The following AKT3 variants were observed in gnomAD, a reference collection of about 807,000 sequenced individuals.
AKT3 encodes RAC-gamma serine/threonine-protein kinase.
In AKT3, 15 loss-of-function variants were observed where a neutral mutation model predicts 65.3. The observed-to-expected ratio is 0.23, with a 90% confidence interval of 0.15 to 0.35. The LOEUF is 0.35. AKT3 is among the 10% of genes least tolerant of loss of function. AKT3 has a pLI of 1.00. For missense variants in AKT3, 243 were observed against 576.5 expected, an observed-to-expected ratio of 0.42 and a Z score of 5.92; for synonymous variants, 206 against 183.8, an observed-to-expected ratio of 1.12 and a Z score of -0.98.
intron 11 of AKT3, among the ~76,000 whole-genome samples, chr1:243,551,901 G>A (rs955322000): frequency 6.6e-6 from 1 of 152,134 alleles, no homozygotes; most frequent in Non-Finnish European, 1.5e-5. Flanking sequence ...ATTCATAGCT[G>A]TAGCTACAAA....
At chr1:243,712,287 G>A (rs1686213051) in intron 2 of AKT3, among the ~76,000 whole-genome samples, 2 of 152,208 alleles carry the variant, frequency 1.3e-5, no homozygotes, top group Admixed American at 6.5e-5. Context: ...AGTCACTTGA[G>A]TAAAAACTGA....
At chr1:243,796,185 T>C (rs559586178) in intron 2 of AKT3, among the ~76,000 whole-genome samples, 2 of 152,330 alleles carry the variant, frequency 1.3e-5, no homozygotes, top group African/African-American at 2.4e-5. Context: ...CTGTCTCCTG[T>C]TGTAACCTCT....
intron 2 of AKT3, among the ~76,000 whole-genome samples, chr1:243,817,145 T>C (rs942446874): frequency 5.9e-5 from 9 of 152,054 alleles, no homozygotes. Context: ...AGGACCCAAA[T>C]ACAGGAATAA....
rs545430685 is a variant in AKT3, at chr1:243,525,079, A to G, written c.1252-12653T>C. Among the ~76,000 whole-genome samples the G allele has an allele frequency of 7.2e-5, 11 of 152,310 alleles. No homozygotes were observed. In the South Asian group the frequency reaches 2.1e-3, roughly 29 times the overall value. On this transcript the variant is annotated intron_variant, in intron 12 of 13. Transcript: ENST00000673466. ...GGAGGTGAAATTCCAGAAAAGAGGC[A>G]GCCAAAGAGAAGAAGCCCTAAAATC...
intron 12 of AKT3, among the ~76,000 whole-genome samples, chr1:243,541,374 G>A (rs1672306396): frequency 1.3e-5 from 2 of 151,576 alleles, no homozygotes; most frequent in Admixed American, 1.3e-4. Flanking sequence ...TACTGAAATT[G>A]TTTCAGCTTC....
At chr1:243,707,906 T>C (rs1685906267) in intron 2 of AKT3, among the ~76,000 whole-genome samples, 1 of 152,082 alleles carries the variant, frequency 6.6e-6, no homozygotes, top group Admixed American at 6.6e-5. Context: ...GCAAAGTAAA[T>C]TACTCTTGAT....
intron 3 of AKT3, among the ~76,000 whole-genome samples, chr1:243,666,895 A>G (rs987005600): frequency 6.6e-6 from 1 of 152,202 alleles, no homozygotes; most frequent in African/African-American, 2.4e-5. Flanking sequence ...ATGAGATGAG[A>G]AAACACAAAA....
intron 3 of AKT3, among the ~76,000 whole-genome samples, chr1:243,690,706 T>A (rs1194366220): frequency 7.6e-6 from 1 of 131,466 alleles, no homozygotes; most frequent in African/African-American, 3.0e-5. Flanking sequence ...CTCATCACCA[T>A]AAATCTAGGG....
intron 2 of AKT3, among the ~76,000 whole-genome samples, chr1:243,703,760 CAAAAAA>C (rs370671685): frequency 1.3e-5 from 1 of 78,406 alleles, no homozygotes; most frequent in Non-Finnish European, 2.4e-5. Flanking sequence ...GACTCCATCT[CAAAAAA>C]AAAAAAAAAA....
intron 2 of AKT3, among the ~76,000 whole-genome samples, chr1:243,811,661 GA>G (rs1297788063): frequency 1.3e-5 from 2 of 152,004 alleles, no homozygotes; most frequent in Admixed American, 6.6e-5. Context: ...TACAGAATTG[GA>G]AAAAACTACT....
At chr1:243,579,085 T>C (rs1574643331) in intron 8 of AKT3, among the ~76,000 whole-genome samples, 1 of 152,200 alleles carries the variant, frequency 6.6e-6, no homozygotes, top group African/African-American at 2.4e-5. Context: ...AACTAGCTTT[T>C]ACCACTTGGG....
At chr1:243,801,802 A>G (rs1440493626) in intron 2 of AKT3, among the ~76,000 whole-genome samples, 1 of 152,220 alleles carries the variant, frequency 6.6e-6, no homozygotes, top group African/African-American at 2.4e-5. Flanking sequence ...TGCAAAAATT[A>G]TCGAGCCACA....
rs34578718 is a variant in AKT3, at chr1:243,664,185, CTTTTTTTTTTTT to C, written c.284+575_284+586del. On this transcript the variant is annotated intron_variant, in intron 4 of 13. Transcript: ENST00000673466. Reference sequence around the variant, plus strand: ...AAAGGTAGTTTGGCTATAAAAATGTCTTTTTTTTTTTTTTTTTTTTTTTTTTTTTGAGACAGA... The same window carrying C: ...AAAGGTAGTTTGGCTATAAAAATGTCTTTTTTTTTTTTTTTTTGAGACAGA... Among the ~76,000 whole-genome samples the C allele has an allele frequency of 9.4e-3, 567 of 60,074 alleles. 2 individuals are homozygous for C. Among genetic ancestry groups the C allele is most frequent in the African/African-American group, 0.03 (489 of 16,142 alleles). 39.4% of individuals were successfully genotyped at this position (60,074 alleles called of 152,430 possible). A position where few individuals can be genotyped will look rare whatever the true frequency, so the allele number is the denominator to read the frequency against.
chr1:243,724,310 T>C (rs1447996681), intron 2 of AKT3, among the ~76,000 whole-genome samples: 1 of 151,952 alleles, frequency 6.6e-6, no homozygotes, highest in African/African-American at 2.4e-5. Context: ...AGTTGTACCA[T>C]TTTCTACTTT....
At chr1:243,577,352 G>GCTGT (rs1675015169) in intron 8 of AKT3, among the ~76,000 whole-genome samples, 1 of 152,088 alleles carries the variant, frequency 6.6e-6, no homozygotes, top group Non-Finnish European at 1.5e-5. Flanking sequence ...TCACCATGTT[G>GCTGT]GCCAGGCTGG....
intron 11 of AKT3, among the ~76,000 whole-genome samples, chr1:243,549,602 T>G (rs927301684): frequency 6.6e-6 from 1 of 152,032 alleles, no homozygotes; most frequent in African/African-American, 2.4e-5. Context: ...ATTTTATTTT[T>G]TTTTAGTAGA....
chr1:243,768,995 T>C (rs1690004900), intron 2 of AKT3, among the ~76,000 whole-genome samples: 1 of 115,544 alleles, frequency 8.7e-6, no homozygotes, highest in Non-Finnish European at 2.2e-5. Flanking sequence ...TCATTAGCAG[T>C]CATTCTCCAT....
At chr1:243,820,668 T>C (rs1026557393) in intron 2 of AKT3, among the ~76,000 whole-genome samples, 8 of 151,940 alleles carry the variant, frequency 5.3e-5, no homozygotes, top group African/African-American at 1.5e-4. Context: ...CAAGTATAAA[T>C]AGCCAAAGAG....
intron 2 of AKT3, among the ~76,000 whole-genome samples, chr1:243,764,799 G>T (rs1171627497): frequency 2.6e-5 from 4 of 151,990 alleles, no homozygotes; most frequent in African/African-American, 7.2e-5. Context: ...TGTCTCCCAA[G>T]AAATTAATTA....
Sources: allele counts gnomAD v4.1 joint callset (sites outside exome capture counted in the v4.1 genomes callset), GRCh38; gene constraint gnomAD v4.1.1; transcripts MANE v1.5; gene names NCBI Gene and HGNC (gene_info 2026-07-23, HGNC 2026-07-21).